The following TIAM1 variants were observed in gnomAD, a reference collection of about 807,000 sequenced individuals.
The protein encoded by TIAM1 is TIAM Rac1 associated GEF 1.
TIAM1 carries 65 observed loss-of-function variants against 163.5 expected under a neutral mutation model. The observed-to-expected ratio is 0.40, with a 90% CI of 0.33 to 0.49. The LOEUF (loss-of-function observed/expected upper bound fraction) is 0.49. TIAM1 is among the 20% of genes least tolerant of loss of function. The probability of loss-of-function intolerance (pLI) is 0.77; values close to 1 mark genes in which losing one functional copy is unlikely to be tolerated. For missense variants in TIAM1, 1,789 were observed against 2,044.7 expected (o/e 0.87, Z 2.41); for synonymous variants, 833 against 810.1 (o/e 1.03, Z -0.48).
intron 15 of TIAM1, 76 bp downstream of exon 15, chr21:31,182,345 C>A (rs1180425023): frequency 7.7e-7 from 1 of 1,295,800 alleles, no homozygotes; most frequent in East Asian, 2.7e-5. Context: ...CTGAAACACA[C>A]AAGCCGCATG....
At chr21:31,472,776 T>C (rs1569362024) in intron 1 of TIAM1, among the ~76,000 whole-genome samples, 1 of 152,228 alleles carries the variant, frequency 6.6e-6, no homozygotes, top group Non-Finnish European at 1.5e-5. Context: ...TCTCATCTGT[T>C]AAATGGGGAT....
At chr21:31,396,886 T>C (rs1410278559) in intron 2 of TIAM1, among the ~76,000 whole-genome samples, 1 of 151,806 alleles carries the variant, frequency 6.6e-6, no homozygotes, top group Non-Finnish European at 1.5e-5. Flanking sequence ...GGGGTGGAGG[T>C]TGCAGTGAAC....
intron 8 of TIAM1, among the ~76,000 whole-genome samples, 184 bp from the exon 9 acceptor site, chr21:31,217,883 T>C (rs2087311523): frequency 6.6e-6 from 1 of 152,208 alleles, no homozygotes; most frequent in Non-Finnish European, 1.5e-5. Flanking sequence ...GAGCCCTTCA[T>C]GGATTCAGAA....
intron 26 of TIAM1, among the ~76,000 whole-genome samples, chr21:31,125,124 C>A (rs961718181): frequency 6.6e-6 from 1 of 151,924 alleles, no homozygotes; most frequent in Non-Finnish European, 1.5e-5. Context: ...TGAGCTCCCT[C>A]CTGGTAAATA....
intron 1 of TIAM1, among the ~76,000 whole-genome samples, chr21:31,484,982 C>G (rs2284531): frequency 2.0e-5 from 3 of 151,970 alleles, no homozygotes; most frequent in Admixed American, 2.0e-4. Flanking sequence ...CAGTCTTCTA[C>G]GAACCAGGAA....
intron 2 of TIAM1, among the ~76,000 whole-genome samples, chr21:31,411,487 T>C (rs2077356901): frequency 6.6e-6 from 1 of 150,644 alleles, no homozygotes; most frequent in South Asian, 2.1e-4. Flanking sequence ...TTTTTTTTTT[T>C]TTTTTGGAGA....
intron 2 of TIAM1, among the ~76,000 whole-genome samples, chr21:31,454,765 G>C (rs1240548186): frequency 6.6e-6 from 1 of 152,202 alleles, no homozygotes; most frequent in African/African-American, 2.4e-5. Flanking sequence ...GAGAAAACTA[G>C]AATGAACCTT....
rs58786753 is a variant in TIAM1, at chr21:31,189,044, C to CTTTTTTTTTTTT, written c.2576-1969_2576-1958dup. ...TCAGGTATGATTTGCTCCATTCCCT[C>CTTTTTTTTTTTT]TTTTTTTTTTTTTTTTTTTTTTTTT... On this transcript the variant is annotated intron_variant, in intron 13 of 27. Coordinates refer to ENST00000541036, the MANE Select transcript of TIAM1 (RefSeq NM_001353694.2). Among the ~76,000 whole-genome samples, 13 of 70,086 alleles carry CTTTTTTTTTTTT rather than the reference C, an allele frequency of 1.9e-4. 1 individual carries two copies. Among genetic ancestry groups the CTTTTTTTTTTTT allele is most frequent in the African/African-American group, 4.0e-4 (7 of 17,504 alleles). 46.0% of individuals were successfully genotyped at this position (70,086 alleles called of 152,430 possible).
chr21:31,307,797 C>A (rs1373075777), intron 2 of TIAM1, among the ~76,000 whole-genome samples: 1 of 152,038 alleles, frequency 6.6e-6, no homozygotes, highest in African/African-American at 2.4e-5. Context: ...CCATCCTGTT[C>A]AGGAAGAAGA....
At chr21:31,346,025 A>T (rs150220697), upstream of TIAM1, among the ~76,000 whole-genome samples, 184 of 152,008 alleles carry the variant, frequency 1.2e-3, no homozygotes, top group African/African-American at 4.3e-3. Flanking sequence ...TTGGAGGTGA[A>T]TTTGCCTCCG....
chr21:31,379,167 T>C (rs1449740947), intron 2 of TIAM1, among the ~76,000 whole-genome samples: 2 of 152,198 alleles, frequency 1.3e-5, no homozygotes, highest in Non-Finnish European at 2.9e-5. Flanking sequence ...AGACAAGGCT[T>C]TGCCATGTTG....
At chr21:31,310,151 C>T (rs534890107) in intron 2 of TIAM1, among the ~76,000 whole-genome samples, 1 of 152,320 alleles carries the variant, frequency 6.6e-6, no homozygotes, top group Admixed American at 6.5e-5. Flanking sequence ...GGGCCACACG[C>T]CTGAGTTCAG....
At chr21:31,290,864 A>T (rs1404191146) in intron 2 of TIAM1, among the ~76,000 whole-genome samples, 1 of 152,074 alleles carries the variant, frequency 6.6e-6, no homozygotes, top group Non-Finnish European at 1.5e-5. Flanking sequence ...AATCTCCCAG[A>T]ATCTTCAGGA....
At chr21:31,269,971 G>A (rs765743409) in intron 3 of TIAM1, among the ~76,000 whole-genome samples, 23 of 152,056 alleles carry the variant, frequency 1.5e-4, no homozygotes, top group Non-Finnish European at 2.5e-4. Context: ...ACGCCCGGCC[G>A]ATGAATTTTA....
At chr21:31,156,417 G>A (rs964865284) in intron 16 of TIAM1, among the ~76,000 whole-genome samples, 4 of 152,150 alleles carry the variant, frequency 2.6e-5, no homozygotes, top group Non-Finnish European at 5.9e-5. Context: ...TGACTGACTG[G>A]AAAAATTGAC....
intron 2 of TIAM1, among the ~76,000 whole-genome samples, chr21:31,394,756 AC>A (rs1343022331): frequency 4.4e-4 from 66 of 151,308 alleles, no homozygotes; most frequent in African/African-American, 1.2e-3. Flanking sequence ...ACACACACAC[AC>A]ACACACACAC....
At chr21:31,231,826 A>G (rs1421880637) in intron 6 of TIAM1, among the ~76,000 whole-genome samples, 3 of 152,054 alleles carry the variant, frequency 2.0e-5, no homozygotes, top group African/African-American at 7.2e-5. Context: ...GACCAGCCTG[A>G]GCATGGTGAA....
chr21:31,371,837 C>T (rs1017452052), intron 2 of TIAM1, among the ~76,000 whole-genome samples: 3 of 152,158 alleles, frequency 2.0e-5, no homozygotes, highest in East Asian at 3.9e-4. Context: ...CTCTTCATAA[C>T]GGCTCTCAGA....
chr21:31,184,141 T>C (rs1440693404), intron 14 of TIAM1, among the ~76,000 whole-genome samples: 1 of 151,914 alleles, frequency 6.6e-6, no homozygotes, highest in African/African-American at 2.4e-5. Context: ...GTTTTGCTCT[T>C]GTTGTCCAGG....
Sources: allele counts gnomAD v4.1 joint callset (sites outside exome capture counted in the v4.1 genomes callset), GRCh38; gene constraint gnomAD v4.1.1; transcripts MANE v1.5; gene names NCBI Gene and HGNC (gene_info 2026-07-23, HGNC 2026-07-21).